Variants in PPARGC1A observed in about 807,000 individuals in gnomAD.
The protein encoded by PPARGC1A is peroxisome proliferator-activated receptor gamma coactivator 1-alpha.
A neutral mutation model predicts 88.7 loss-of-function variants in PPARGC1A; 25 were observed. That is an observed-to-expected ratio of 0.28 (90% CI 0.21 to 0.39). The LOEUF is 0.39. Ranked by LOEUF, PPARGC1A falls within the 10% of genes least tolerant of loss-of-function variation. PPARGC1A has a pLI of 1.00. For synonymous variants in PPARGC1A, 363 were observed against 355.6 expected (o/e 1.02, Z -0.24); for missense variants, 880 against 968.7 (o/e 0.91, Z 1.22).
the PPARGC1A span, among the ~76,000 whole-genome samples, chr4:24,339,235 T>TACACACACAC: frequency 1.5e-4 from 17 of 110,206 alleles, no homozygotes; most frequent in African/African-American, 6.3e-4. Flanking sequence ...TATATATATA[T>TACACACACAC]ATACACACAC....
chr4:23,937,615 A>C, the PPARGC1A span, among the ~76,000 whole-genome samples: 2 of 152,172 alleles, frequency 1.3e-5, no homozygotes, highest in Non-Finnish European at 2.9e-5. Context: ...AATAAGCAAA[A>C]TTTCTGCCTA....
chr4:24,422,709 C>A, the PPARGC1A span, among the ~76,000 whole-genome samples: 1 of 150,850 alleles, frequency 6.6e-6, no homozygotes, highest in Non-Finnish European at 1.5e-5. Flanking sequence ...CCCAACAACA[C>A]AATAATTTAG....
At chr4:24,447,897 C>T in the PPARGC1A span, among the ~76,000 whole-genome samples, 30 of 152,312 alleles carry the variant, frequency 2.0e-4, no homozygotes, top group East Asian at 4.1e-3. Context: ...GCCAGGCAAT[C>T]GTTCTGCTCC....
the PPARGC1A span, among the ~76,000 whole-genome samples, chr4:23,937,098 G>A: frequency 2.6e-5 from 4 of 151,504 alleles, no homozygotes; most frequent in African/African-American, 9.7e-5. Flanking sequence ...TAATTTCATG[G>A]TCCACAGAAT....
At chr4:24,354,529 C>T in the PPARGC1A span, among the ~76,000 whole-genome samples, 2 of 152,198 alleles carry the variant, frequency 1.3e-5, no homozygotes, top group East Asian at 1.9e-4. Context: ...TTTTCTTTTA[C>T]TCACTAAAAT....
the PPARGC1A span, among the ~76,000 whole-genome samples, chr4:24,121,879 C>A: frequency 1.3e-5 from 2 of 152,156 alleles, no homozygotes; most frequent in South Asian, 4.1e-4. Flanking sequence ...CAGAGGAGAA[C>A]AATCTGATTT....
the PPARGC1A span, among the ~76,000 whole-genome samples, chr4:23,950,684 A>G: frequency 1.3e-5 from 2 of 152,154 alleles, no homozygotes; most frequent in East Asian, 3.9e-4. Context: ...GACAATGGAC[A>G]TTGTTATTAC....
At chr4:24,006,905 TTGAC>T in the PPARGC1A span, among the ~76,000 whole-genome samples, 2 of 152,156 alleles carry the variant, frequency 1.3e-5, no homozygotes, top group African/African-American at 4.8e-5. Flanking sequence ...CTATATCCAT[TTGAC>T]TGTCAAGTTA....
the PPARGC1A span, among the ~76,000 whole-genome samples, chr4:24,160,803 AG>A: frequency 6.6e-6 from 1 of 152,210 alleles, no homozygotes; most frequent in East Asian, 1.9e-4. Flanking sequence ...TTCCATTTCT[AG>A]AAACAAGCTG....
the PPARGC1A span, among the ~76,000 whole-genome samples, chr4:24,348,605 C>A: frequency 2.0e-5 from 3 of 152,128 alleles, no homozygotes; most frequent in Non-Finnish European, 4.4e-5. Context: ...ATTGCTGAGA[C>A]TTTCCAGAGC....
the PPARGC1A span, among the ~76,000 whole-genome samples, chr4:24,001,699 C>T: frequency 6.6e-6 from 1 of 152,032 alleles, no homozygotes; most frequent in African/African-American, 2.4e-5. Flanking sequence ...AGGTATTAAA[C>T]ATTGATCACT....
chr4:24,034,739 T>G, the PPARGC1A span, among the ~76,000 whole-genome samples: 1 of 152,188 alleles, frequency 6.6e-6, no homozygotes, highest in Non-Finnish European at 1.5e-5. Context: ...TAGATTAATT[T>G]TTAAAGAAGC....
the PPARGC1A span, among the ~76,000 whole-genome samples, chr4:24,337,896 AAG>A: frequency 6.6e-6 from 1 of 152,036 alleles, no homozygotes; most frequent in East Asian, 1.9e-4. Flanking sequence ...ATTAATGACA[AAG>A]AGAGGTGCAA....
chr4:24,322,872 C>A, the PPARGC1A span, among the ~76,000 whole-genome samples: 1 of 152,214 alleles, frequency 6.6e-6, no homozygotes, highest in Non-Finnish European at 1.5e-5. Flanking sequence ...TGGTCATGCT[C>A]ATGTTGTAAG....
chr4:23,975,417 A>G, the PPARGC1A span, among the ~76,000 whole-genome samples: 9 of 44,312 alleles, frequency 2.0e-4, no homozygotes, highest in East Asian at 2.9e-3. Flanking sequence ...TATGCTATTC[A>G]TTCTTTTTTT....
rs996271380 is a variant in PPARGC1A, at chr4:23,800,055, A to T, written c.2293+1675T>A. Among the ~76,000 whole-genome samples, 45 of 152,298 alleles carry T rather than the reference A, an allele frequency of 3.0e-4. 1 individual carries two copies. Among genetic ancestry groups the T allele is most frequent in the African/African-American group, 9.6e-4 (40 of 41,582 alleles). ...ATCTATTTAGCTTGTGGAGTGAATTATAGCATATTCCCTGTGAACAATGCA... is the reference window on the plus strand; with the variant it reads ...ATCTATTTAGCTTGTGGAGTGAATTTTAGCATATTCCCTGTGAACAATGCA... On this transcript the variant is annotated intron_variant, in intron 12 of 12. Transcript: ENST00000264867.
chr4:24,354,515 TTA>T, the PPARGC1A span, among the ~76,000 whole-genome samples: 1 of 152,208 alleles, frequency 6.6e-6, no homozygotes, highest in Non-Finnish European at 1.5e-5. Flanking sequence ...GTTCTATCAT[TTA>T]GTTTTCTTTT....
the PPARGC1A span, among the ~76,000 whole-genome samples, chr4:24,277,017 A>G: frequency 9.2e-5 from 14 of 152,300 alleles, no homozygotes; most frequent in South Asian, 2.9e-3. Flanking sequence ...GGATGTACTC[A>G]GGTCCAAACA....
At chr4:23,986,631 G>T in the PPARGC1A span, among the ~76,000 whole-genome samples, 2 of 152,134 alleles carry the variant, frequency 1.3e-5, no homozygotes, top group South Asian at 4.1e-4. Flanking sequence ...TCAGTCTTAC[G>T]ATAACAGTTG....
Sources: gnomAD v4.1 joint callset for allele counts (sites outside exome capture counted in the v4.1 genomes callset) on GRCh38, gnomAD v4.1.1 for gene constraint, MANE v1.5 for transcripts, NCBI Gene and HGNC (gene_info 2026-07-23, HGNC 2026-07-21) for gene names.